The following DLG2 variants were observed in gnomAD, a reference collection of about 807,000 sequenced individuals.
DLG2 encodes disks large homolog 2.
A neutral mutation model predicts 132.5 loss-of-function variants in DLG2; 45 were observed. The ratio of observed to expected loss-of-function variants is 0.34; its 90% CI spans 0.27 to 0.44. The LOEUF (loss-of-function observed/expected upper bound fraction) is 0.44, where lower values mean the gene tolerates loss of function less well. Among genes scored for constraint, DLG2 ranks in the 20% least tolerant of loss-of-function variants. DLG2 has a pLI of 1.00. For missense variants in DLG2, 1,045 were observed against 1,196.9 expected, an observed-to-expected ratio of 0.87 and a Z score of 1.87; for synonymous variants, 424 against 419.6, an observed-to-expected ratio of 1.01 and a Z score of -0.13.
chr11:84,287,833 C>T (rs1426409998), intron 7 of DLG2, among the ~76,000 whole-genome samples: 1 of 150,942 alleles, frequency 6.6e-6, no homozygotes, highest in African/African-American at 2.4e-5. Context: ...TTAATAATGA[C>T]TTTGAGGTTT....
chr11:84,587,500 G>A (rs1047420584), intron 6 of DLG2, among the ~76,000 whole-genome samples: 1 of 151,966 alleles, frequency 6.6e-6, no homozygotes, highest in Non-Finnish European at 1.5e-5. Flanking sequence ...ATGTTTTTCT[G>A]TCATGACTTT....
intron 6 of DLG2, among the ~76,000 whole-genome samples, chr11:84,779,048 C>G (rs1325842862): frequency 6.6e-6 from 1 of 152,124 alleles, no homozygotes; most frequent in African/African-American, 2.4e-5. Flanking sequence ...GTCGGCTTCC[C>G]TACTTTTGAG....
intron 3 of DLG2, among the ~76,000 whole-genome samples, chr11:85,464,132 A>G (rs889868133): frequency 3.3e-5 from 5 of 152,014 alleles, no homozygotes; most frequent in African/African-American, 4.8e-5. Context: ...TTTCTATCTG[A>G]AACTTAAGTT....
chr11:83,512,456 T>G (rs2095078857), intron 21 of DLG2, among the ~76,000 whole-genome samples: 2 of 152,232 alleles, frequency 1.3e-5, no homozygotes, highest in African/African-American at 4.8e-5. Context: ...CATGTGCAGT[T>G]CAGAAACTAT....
intron 7 of DLG2, among the ~76,000 whole-genome samples, chr11:84,492,795 G>A (rs1246017548): frequency 6.6e-6 from 1 of 152,040 alleles, no homozygotes; most frequent in Non-Finnish European, 1.5e-5. Flanking sequence ...ACTTTAGGTT[G>A]AGAAGTACTG....
At chr11:84,831,737 A>G (rs1295337297) in intron 6 of DLG2, among the ~76,000 whole-genome samples, 2 of 151,678 alleles carry the variant, frequency 1.3e-5, no homozygotes, top group African/African-American at 4.8e-5. Context: ...CGCCCCTTCA[A>G]TATTTAAATG....
At chr11:83,903,311 T>C (rs2073959378) in intron 15 of DLG2, among the ~76,000 whole-genome samples, 1 of 152,110 alleles carries the variant, frequency 6.6e-6, no homozygotes, top group South Asian at 2.1e-4. Flanking sequence ...AATTAATTTT[T>C]GAAATAAGTA....
At chr11:84,568,123 T>C (rs1490302032) in intron 6 of DLG2, among the ~76,000 whole-genome samples, 1 of 152,100 alleles carries the variant, frequency 6.6e-6, no homozygotes, top group African/African-American at 2.4e-5. Context: ...TGGAGTCAGG[T>C]AGAAACAAAG....
At chr11:84,274,595 T>C (rs527813839) in intron 7 of DLG2, among the ~76,000 whole-genome samples, 254 of 152,360 alleles carry the variant, frequency 1.7e-3, no homozygotes, top group Non-Finnish European at 2.9e-3. Flanking sequence ...TTCATACTAA[T>C]GCCCTTGTAG....
rs1484327416 is a variant in DLG2 at position 83,499,850 on chromosome 11, GAGATATATATAT to G, written c.2194-15634_2194-15623del. On this transcript the variant is annotated intron_variant, in intron 21 of 27. Coordinates refer to ENST00000376104, the MANE Select transcript of DLG2 (RefSeq NM_001142699.3). ...ATATATATATTTCCTCCACTAATAG[GAGATATATATAT>G]ATATATATATATATATATATATATA... is the stretch of plus-strand genomic sequence containing the variant. Among the ~76,000 whole-genome samples the G allele has an allele frequency of 1.7e-3, 98 of 58,764 alleles. 2 individuals carry two copies. Among genetic ancestry groups the G allele is most frequent in the Middle Eastern group, 0.022 (2 of 92 alleles). The allele number at this position is 58,764 out of a possible 152,430, so 38.6% of individuals were successfully genotyped here.
At chr11:85,174,831 T>C (rs1157792948) in intron 4 of DLG2, among the ~76,000 whole-genome samples, 1 of 152,014 alleles carries the variant, frequency 6.6e-6, no homozygotes, top group African/African-American at 2.4e-5. Flanking sequence ...AAAACTATAA[T>C]AAACACCTCT....
At chr11:84,342,105 C>T (rs1219071445) in intron 7 of DLG2, among the ~76,000 whole-genome samples, 1 of 151,902 alleles carries the variant, frequency 6.6e-6, no homozygotes, top group Admixed American at 6.6e-5. Flanking sequence ...CACCCTTGGG[C>T]CAGAGGCCTG....
intron 18 of DLG2, among the ~76,000 whole-genome samples, chr11:83,755,462 G>A (rs1313746282): frequency 6.6e-6 from 1 of 151,048 alleles, no homozygotes; most frequent in Non-Finnish European, 1.5e-5. Context: ...ATAATACACT[G>A]TAAGAATCTA....
chr11:84,456,606 A>C (rs987243624), intron 7 of DLG2, among the ~76,000 whole-genome samples: 2 of 151,346 alleles, frequency 1.3e-5, no homozygotes, highest in African/African-American at 4.8e-5. Flanking sequence ...CTATTCCTGA[A>C]ATTCTCTTTC....
At chr11:85,436,630 T>A (rs752166638) in intron 3 of DLG2, among the ~76,000 whole-genome samples, 1 of 152,152 alleles carries the variant, frequency 6.6e-6, no homozygotes, top group Non-Finnish European at 1.5e-5. Flanking sequence ...CCAGTCAGAA[T>A]GGCAATTATT....
chr11:85,437,524 A>T lies in DLG2; in HGVS notation c.41-152159T>A, dbSNP rs140887340. Among the ~76,000 whole-genome samples the T allele has an allele frequency of 5.5e-3, 831 of 152,256 alleles. 10 individuals are homozygous for T. The highest frequency in any genetic ancestry group is 0.019 in the African/African-American group (809 of 41,558). On this transcript the variant is annotated intron_variant, in intron 3 of 27. Coordinates refer to ENST00000376104, the MANE Select transcript of DLG2 (RefSeq NM_001142699.3). ...CTTTGCTAAGTATTAGGAATAAGAG[A>T]GAGACAAGATAGTGCTCTTGTCCTC...
At chr11:84,886,285 T>A (rs760322427) in intron 6 of DLG2, among the ~76,000 whole-genome samples, 15 of 152,152 alleles carry the variant, frequency 9.9e-5, no homozygotes, top group Non-Finnish European at 2.2e-4. Context: ...AATTTTCATG[T>A]CTTTTGGGGA....
intron 3 of DLG2, among the ~76,000 whole-genome samples, chr11:85,594,958 C>T (rs2079628876): frequency 2.0e-5 from 3 of 148,518 alleles, no homozygotes; most frequent in Non-Finnish European, 4.4e-5. Flanking sequence ...CCCAGCTACT[C>T]GGGAGGCTGA....
chr11:85,399,781 C>A (rs999363837), intron 3 of DLG2, among the ~76,000 whole-genome samples: 4 of 152,090 alleles, frequency 2.6e-5, no homozygotes, highest in Admixed American at 1.3e-4. Context: ...AAAATTAATT[C>A]AAGATGGATT....
Sources: gnomAD v4.1 joint callset for allele counts (sites outside exome capture counted in the v4.1 genomes callset) on GRCh38, gnomAD v4.1.1 for gene constraint, MANE v1.5 for transcripts, NCBI Gene and HGNC (gene_info 2026-07-23, HGNC 2026-07-21) for gene names.